The following ATP13A4 variants were observed in gnomAD, a reference collection of about 807,000 sequenced individuals.
ATP13A4 encodes ATPase 13A4.
Under a neutral mutation model 142.5 loss-of-function variants are expected in ATP13A4, and 114 were observed. The ratio of observed to expected loss-of-function variants is 0.80; its 90% CI spans 0.69 to 0.93. ATP13A4 has a LOEUF of 0.93. Ranked by LOEUF, ATP13A4 falls within the 40% of genes least tolerant of loss-of-function variation. ATP13A4 has a pLI of 0.00. For synonymous variants in ATP13A4, 488 were observed against 514.8 expected, an observed-to-expected ratio of 0.95 and a Z score of 0.70; for missense variants, 1,392 against 1,454.0, an observed-to-expected ratio of 0.96 and a Z score of 0.69.
intron 1 of ATP13A4, among the ~76,000 whole-genome samples, chr3:193,520,123 A>C (rs1340764915): frequency 1.3e-5 from 2 of 152,170 alleles, no homozygotes; most frequent in Non-Finnish European, 1.5e-5. Flanking sequence ...GAATCAATCA[A>C]TATATAAATG....
intron 2 of ATP13A4, among the ~76,000 whole-genome samples, chr3:193,579,791 A>T (rs1317684621): frequency 2.0e-5 from 3 of 152,206 alleles, no homozygotes; most frequent in African/African-American, 7.2e-5. Flanking sequence ...CAAGCAGCAT[A>T]TCCCATTCTA....
chr3:193,418,316 CA>C lies in ATP13A4; in HGVS notation c.2843-3567del, dbSNP rs60172777. Reference sequence around the variant, plus strand: ...CCTGGGCAACAGCGAGACTCCATCTCAAAAAAAAAAAAAAGAAATTAAAGTC... The same window carrying C: ...CCTGGGCAACAGCGAGACTCCATCTCAAAAAAAAAAAAAGAAATTAAAGTC... On this transcript the variant is annotated intron_variant, in intron 25 of 29. Coordinates refer to ENST00000342695, the MANE Select transcript of ATP13A4 (RefSeq NM_032279.4). Among the ~76,000 whole-genome samples, 291 of 104,964 alleles carry C rather than the reference CA, an allele frequency of 2.8e-3. 2 individuals carry two copies. The highest frequency in any genetic ancestry group is 0.011 in the East Asian group (38 of 3,372). The allele number at this position is 104,964 out of a possible 152,430, so 68.9% of individuals were successfully genotyped here.
chr3:193,458,749 T>C, intron 14 of ATP13A4: 1 of 512,744 alleles, frequency 2.0e-6, no homozygotes, highest in Non-Finnish European at 3.5e-6. Context: ...AACCAGACAA[T>C]GCTCGGAGAA....
Position 193,454,064 on chromosome 3 carries a change from CAAA to C in ATP13A4, c.2027+34_2027+36del, listed in dbSNP as rs1477199235. 3 of 1,542,084 alleles carry C rather than the reference CAAA, an allele frequency of 1.9e-6. No homozygotes were observed. The Admixed American group carries it at 5.0e-5, about 26-fold the overall frequency. On this transcript the variant is annotated intron_variant, in intron 17 of 29. Coordinates refer to ENST00000342695, the MANE Select transcript of ATP13A4 (RefSeq NM_032279.4). The stretch of plus-strand genomic sequence containing the variant: ...ATTCCAACCTGGTACATCTTTCCAT[CAAA>C]CCTTTCTGCTTTATCAAAATCATCC...
At position 193,489,730 on chromosome 3, in the gene ATP13A4, C is replaced by T. The variant is rs1262421876; in HGVS notation, c.738G>A (p.Glu246=). 1.2e-6 allele frequency: 2 copies of T among 1,607,978 alleles called. No homozygotes were observed. Among genetic ancestry groups the T allele is most frequent in the Non-Finnish European group, 1.7e-6 (2 of 1,174,716 alleles). The change falls in exon 7 of 30, where the codon GAG becomes GAA. Residue 246 remains glutamate, a splice_region_variant and synonymous_variant. Transcript: ENST00000342695. Reference sequence around the variant, plus strand: ...CCATAGAATTAATAGAAAAACTCACCTCTCTGAGATCATATACTGTCAAAG... The same window carrying T: ...CCATAGAATTAATAGAAAAACTCACTTCTCTGAGATCATATACTGTCAAAG... ...SISLTVYDLR[E]QSVKLHHLVE... is the part of the protein sequence containing the mutation.
At chr3:193,435,424 C>T (rs1443478092) in intron 24 of ATP13A4, among the ~76,000 whole-genome samples, 3 of 152,172 alleles carry the variant, frequency 2.0e-5, no homozygotes, top group African/African-American at 7.2e-5. Flanking sequence ...TCAGCTATTA[C>T]TAGATAAAAG....
chr3:193,529,270 C>CAA (rs1225494611), intron 1 of ATP13A4, among the ~76,000 whole-genome samples: 3 of 100,248 alleles, frequency 3.0e-5, no homozygotes, highest in Non-Finnish European at 2.1e-5. Context: ...ACTCTGTCTC[C>CAA]AAAAAAAAAA....
intron 1 of ATP13A4, among the ~76,000 whole-genome samples, chr3:193,550,351 G>A (rs1475472806): frequency 6.9e-6 from 1 of 145,112 alleles, no homozygotes; most frequent in African/African-American, 2.6e-5. Flanking sequence ...CTATCCCCCA[G>A]GCTGGAGTGC....
At chr3:193,586,863 A>G (rs1724681341) in intron 1 of ATP13A4, among the ~76,000 whole-genome samples, 1 of 152,212 alleles carries the variant, frequency 6.6e-6, no homozygotes. Flanking sequence ...GTTAATTTCT[A>G]TAATTAGTGT....
intron 2 of ATP13A4, among the ~76,000 whole-genome samples, chr3:193,576,358 G>T (rs71316207): frequency 7.8e-6 from 1 of 128,618 alleles, no homozygotes; most frequent in Non-Finnish European, 1.6e-5. Flanking sequence ...TGCAAGCTCC[G>T]CTTCCCGGGT....
At chr3:193,548,894 C>G (rs921200666) in intron 1 of ATP13A4, among the ~76,000 whole-genome samples, 3 of 152,120 alleles carry the variant, frequency 2.0e-5, no homozygotes, top group African/African-American at 7.2e-5. Context: ...TTTTAGTTAC[C>G]CACTACTGGT....
intron 1 of ATP13A4, among the ~76,000 whole-genome samples, chr3:193,541,236 G>A (rs1196448982): frequency 6.2e-5 from 6 of 97,410 alleles, no homozygotes; most frequent in African/African-American, 1.0e-4. Flanking sequence ...GCGACAGAGC[G>A]AGACTCCTTC....
At chr3:193,439,146 C>G in intron 21 of ATP13A4, 81 bp from the exon 22 acceptor site, 1 of 1,377,820 alleles carries the variant, frequency 7.3e-7, no homozygotes, top group Non-Finnish European at 1.0e-6. Flanking sequence ...AAGTAACCAT[C>G]ATTACTTAGG....
Position 193,573,260 on chromosome 3 carries a change from C to CATATATATATAT in ATP13A4, n.291+8435_291+8446dup, listed in dbSNP as rs373692119. Among the ~76,000 whole-genome samples the CATATATATATAT allele has an allele frequency of 7.5e-3, 590 of 78,964 alleles. 6 individuals are homozygous for CATATATATATAT. The highest frequency in any genetic ancestry group is 0.022 in the East Asian group (72 of 3,246). 51.8% of individuals were successfully genotyped at this position (78,964 alleles called of 152,430 possible). On this transcript the variant is annotated intron_variant and non_coding_transcript_variant, in intron 2 of 3. Coordinates refer to the ATP13A4 transcript ENST00000489140. ...GATGAACTTTAACGAATACCACAGC[C>CATATATATATAT]ATATATATATATATACATATATATA...
intron 9 of ATP13A4, among the ~76,000 whole-genome samples, chr3:193,469,373 G>C (rs1576995776): frequency 1.3e-5 from 2 of 152,242 alleles, no homozygotes; most frequent in East Asian, 3.9e-4. Flanking sequence ...TGCCTGTAAT[G>C]TCAGCACTTT....
upstream of ATP13A4, among the ~76,000 whole-genome samples, chr3:193,559,761 T>A (rs1236308800): frequency 6.6e-6 from 1 of 152,184 alleles, no homozygotes; most frequent in African/African-American, 2.4e-5. Flanking sequence ...GGCCTGTTGT[T>A]TCCCTTTCAG....
intron 7 of ATP13A4, among the ~76,000 whole-genome samples, chr3:193,486,368 G>A (rs1462451519): frequency 6.6e-6 from 1 of 152,194 alleles, no homozygotes; most frequent in Non-Finnish European, 1.5e-5. Context: ...CCAGATGGGA[G>A]GTGATTGCAA....
chr3:193,402,921 G>A, intron 29 of ATP13A4, 57 bp from the exon 30 acceptor site: 1 of 1,479,692 alleles, frequency 6.8e-7, no homozygotes, highest in Non-Finnish European at 9.3e-7. Flanking sequence ...TGAGGCTACA[G>A]CCCTCCACAG....
intron 18 of ATP13A4, among the ~76,000 whole-genome samples, chr3:193,446,992 A>C (rs1716993376): frequency 1.3e-5 from 2 of 152,216 alleles, no homozygotes; most frequent in Admixed American, 1.3e-4. Context: ...ATTCAAGCAT[A>C]TGTAAGAAAT....
Sources: gnomAD v4.1 joint callset for allele counts (sites outside exome capture counted in the v4.1 genomes callset) on GRCh38, gnomAD v4.1.1 for gene constraint, MANE v1.5 for transcripts, NCBI Gene and HGNC (gene_info 2026-07-23, HGNC 2026-07-21) for gene names.